Variants in KCNAB1 observed in about 807,000 individuals in gnomAD.
KCNAB1 encodes the protein potassium voltage-gated channel subfamily A regulatory beta subunit 1, also known as voltage-gated potassium channel subunit beta-1.
A neutral mutation model predicts 64.6 loss-of-function variants in KCNAB1; 35 were observed. That is an observed-to-expected ratio of 0.54 (90% CI 0.41 to 0.72). The LOEUF is 0.72. Among genes scored for constraint, KCNAB1 ranks in the 30% least tolerant of loss-of-function variants. The probability of loss-of-function intolerance (pLI) is 0.00; values close to 1 mark genes in which losing one functional copy is unlikely to be tolerated. For synonymous variants in KCNAB1, 177 were observed against 183.8 expected (o/e 0.96, Z 0.30); for missense variants, 401 against 512.9 (o/e 0.78, Z 2.11).
At chr3:156,387,920 A>T (rs1450106) in intron 1 of KCNAB1, among the ~76,000 whole-genome samples, 44,980 of 152,146 alleles carry the variant, frequency 0.3, 9,182 homozygotes, top group African/African-American at 0.59. Flanking sequence ...TGGTAAAGAA[A>T]ATTCACCGCG....
chr3:156,193,177 A>T (rs972796874), intron 1 of KCNAB1, among the ~76,000 whole-genome samples: 4 of 151,704 alleles, frequency 2.6e-5, no homozygotes, highest in African/African-American at 9.7e-5. Context: ...TTGTTATTTT[A>T]GTCATTGCTT....
chr3:156,530,958 G>C (rs1202423641), intron 12 of KCNAB1, among the ~76,000 whole-genome samples: 1 of 152,182 alleles, frequency 6.6e-6, no homozygotes, highest in African/African-American at 2.4e-5. Flanking sequence ...TGGGTAGCTT[G>C]AATGCCCTGG....
At chr3:156,482,500 T>C (rs1320942905) in intron 8 of KCNAB1, among the ~76,000 whole-genome samples, 1 of 146,360 alleles carries the variant, frequency 6.8e-6, no homozygotes, top group Non-Finnish European at 1.5e-5. Context: ...GCTAGGAAGT[T>C]ATGGGGGTAG....
In KCNAB1 at chr3:156,261,749, A is replaced by G. The variant is rs1718442373; in HGVS notation, c.275+140863A>G. On this transcript the variant is annotated intron_variant, in intron 1 of 13. Transcript: ENST00000490337. ...GCATTTCCATACACATTTTCAAATC[A>G]GCTTGTTAATTTTTACAAAAGCAGT... 3.9e-5 allele frequency among the ~76,000 whole-genome samples: 6 copies of G among 152,036 alleles called. No homozygotes were observed. In the South Asian group the frequency reaches 1.2e-3, roughly 32 times the overall value.
At chr3:156,444,473 A>C (rs1333520129) in intron 2 of KCNAB1, among the ~76,000 whole-genome samples, 1 of 152,184 alleles carries the variant, frequency 6.6e-6, no homozygotes, top group Non-Finnish European at 1.5e-5. Context: ...TCTCCCAAAA[A>C]TCCTGTGAAC....
At chr3:156,334,048 G>A (rs961501099) in intron 1 of KCNAB1, among the ~76,000 whole-genome samples, 5 of 152,016 alleles carry the variant, frequency 3.3e-5, no homozygotes, top group Admixed American at 1.3e-4. Context: ...TTTTGGGTTC[G>A]TGTCATGCTT....
intron 1 of KCNAB1, among the ~76,000 whole-genome samples, chr3:156,247,235 G>A (rs1576642295): frequency 6.6e-6 from 1 of 152,166 alleles, no homozygotes; most frequent in African/African-American, 2.4e-5. Flanking sequence ...TCATATGGTG[G>A]TTGCAGGGGT....
chr3:156,182,492 T>A (rs567464782), intron 1 of KCNAB1, among the ~76,000 whole-genome samples: 7 of 152,272 alleles, frequency 4.6e-5, no homozygotes, highest in South Asian at 4.1e-4. Flanking sequence ...AGCCTAAGTT[T>A]ATGCCACTCA....
At chr3:156,389,997 C>T (rs948692334) in intron 1 of KCNAB1, among the ~76,000 whole-genome samples, 2 of 151,320 alleles carry the variant, frequency 1.3e-5, no homozygotes, top group African/African-American at 4.9e-5. Flanking sequence ...AAAGGGGTGT[C>T]GATCTCTGCT....
chr3:156,297,747 A>G (rs1720894093), intron 1 of KCNAB1, among the ~76,000 whole-genome samples: 1 of 152,042 alleles, frequency 6.6e-6, no homozygotes, highest in Non-Finnish European at 1.5e-5. Context: ...ATTATGTAAA[A>G]GGCACTTAGC....
intron 1 of KCNAB1, among the ~76,000 whole-genome samples, chr3:156,288,479 G>A (rs1720215994): frequency 6.6e-6 from 1 of 152,182 alleles, no homozygotes; most frequent in African/African-American, 2.4e-5. Flanking sequence ...CATATTCCAA[G>A]TCTAATTGAC....
intron 1 of KCNAB1, among the ~76,000 whole-genome samples, chr3:156,351,372 C>T (rs16826015): frequency 0.1 from 15,522 of 152,224 alleles, 2,631 homozygotes; most frequent in African/African-American, 0.35. Flanking sequence ...TAAAGACAGG[C>T]GTGCATGGAT....
At chr3:156,268,971 G>T (rs1203673413) in intron 1 of KCNAB1, among the ~76,000 whole-genome samples, 1 of 152,092 alleles carries the variant, frequency 6.6e-6, no homozygotes, top group Non-Finnish European at 1.5e-5. Context: ...ATGTTTTCTT[G>T]TAGTAGTTTA....
At chr3:156,234,483 G>A (rs1409725538) in intron 1 of KCNAB1, among the ~76,000 whole-genome samples, 1 of 152,044 alleles carries the variant, frequency 6.6e-6, no homozygotes, top group African/African-American at 2.4e-5. Flanking sequence ...GAGGAAATGG[G>A]CACCCATTTC....
At chr3:156,420,173 G>C (rs1277683557) in intron 1 of KCNAB1, among the ~76,000 whole-genome samples, 1 of 152,202 alleles carries the variant, frequency 6.6e-6, no homozygotes, top group Non-Finnish European at 1.5e-5. Flanking sequence ...CCTTGCATTT[G>C]TTTACAGTAT....
intron 10 of KCNAB1, among the ~76,000 whole-genome samples, chr3:156,515,993 A>T (rs1430702732): frequency 7.7e-6 from 1 of 130,524 alleles, no homozygotes; most frequent in East Asian, 2.0e-4. Flanking sequence ...ATGGACAAGG[A>T]CAACAAAACT....
chr3:156,198,725 G>A (rs1714124682), intron 1 of KCNAB1, among the ~76,000 whole-genome samples: 1 of 75,702 alleles, frequency 1.3e-5, no homozygotes, highest in Non-Finnish European at 2.6e-5. Flanking sequence ...CCTGAATACG[G>A]CACACCAATG....
chr3:156,500,665 C>T (rs367756454), intron 8 of KCNAB1, among the ~76,000 whole-genome samples: 3 of 152,116 alleles, frequency 2.0e-5, no homozygotes, highest in South Asian at 2.1e-4. Context: ...AAAAAAGTCT[C>T]GTTTAGCTAT....
chr3:156,304,508 T>C (rs1721357849), intron 1 of KCNAB1, among the ~76,000 whole-genome samples: 1 of 152,224 alleles, frequency 6.6e-6, no homozygotes, highest in African/African-American at 2.4e-5. Flanking sequence ...CTACTTCCTG[T>C]TATACTGACC....
Sources: gnomAD v4.1 joint callset for allele counts (sites outside exome capture counted in the v4.1 genomes callset) on GRCh38, gnomAD v4.1.1 for gene constraint, MANE v1.5 for transcripts, NCBI Gene and HGNC (gene_info 2026-07-23, HGNC 2026-07-21) for gene names.